GADL1: variants seen among roughly 807,000 people sequenced by gnomAD.
The protein encoded by GADL1 is acidic amino acid decarboxylase GADL1.
In GADL1, 71 loss-of-function variants were observed where a neutral mutation model predicts 69.5. The observed-to-expected ratio is 1.02, with a 90% CI of 0.84 to 1.25. The LOEUF is 1.25. Ranked by LOEUF, GADL1 falls within the 50% of genes most tolerant of loss-of-function variation. The pLI, the probability that GADL1 is intolerant of heterozygous loss-of-function variation, is 0.00. For synonymous variants in GADL1, 254 were observed against 214.4 expected (o/e 1.18, Z -1.62); for missense variants, 737 against 631.8 (o/e 1.17, Z -1.79).
chr3:30,846,243 G>T (rs571780016), intron 6 of GADL1, among the ~76,000 whole-genome samples: 19 of 152,232 alleles, frequency 1.2e-4, no homozygotes, highest in African/African-American at 4.3e-4. Context: ...AAACAGTGGC[G>T]TTTCTATCAT....
intron 14 of GADL1, among the ~76,000 whole-genome samples, chr3:30,777,824 A>C (rs1039945677): frequency 2.0e-5 from 3 of 152,192 alleles, no homozygotes; most frequent in African/African-American, 7.2e-5. Flanking sequence ...CATTATTTCC[A>C]AGTAAGGTGG....
intron 13 of GADL1, among the ~76,000 whole-genome samples, chr3:30,782,645 A>G (rs1696691365): frequency 6.6e-6 from 1 of 152,184 alleles, no homozygotes; most frequent in African/African-American, 2.4e-5. Context: ...GCTATTGATA[A>G]CAAAGTTCTG....
intron 1 of GADL1, among the ~76,000 whole-genome samples, chr3:30,880,339 T>C (rs1382917977): frequency 6.6e-6 from 1 of 151,932 alleles, no homozygotes; most frequent in African/African-American, 2.4e-5. Context: ...AATCTCATCT[T>C]GAACTGTAGT....
chr3:30,863,410 T>A (rs537958024), intron 1 of GADL1, among the ~76,000 whole-genome samples: 7 of 152,110 alleles, frequency 4.6e-5, no homozygotes, highest in African/African-American at 1.7e-4. Flanking sequence ...TGCCGATCAT[T>A]GACTAAATGT....
chr3:30,789,307 CTTT>C (rs915268477), intron 12 of GADL1, among the ~76,000 whole-genome samples: 55 of 152,270 alleles, frequency 3.6e-4, no homozygotes, highest in African/African-American at 1.3e-3. Flanking sequence ...TGAAAAGAAT[CTTT>C]TTTTCTGAGC....
intron 12 of GADL1, chr3:30,797,752 G>T (rs1436210523): frequency 3.3e-5 from 5 of 151,228 alleles, no homozygotes; most frequent in Admixed American, 1.3e-4. Flanking sequence ...TCAGCTAGTT[G>T]TTACCATGTG....
At chr3:30,758,985 G>A (rs1245113045) in intron 14 of GADL1, among the ~76,000 whole-genome samples, 1 of 151,812 alleles carries the variant, frequency 6.6e-6, no homozygotes, top group Non-Finnish European at 1.5e-5. Context: ...TTAGTCTGAT[G>A]TAATTTAAAG....
intron 14 of GADL1, among the ~76,000 whole-genome samples, chr3:30,774,253 C>T (rs1263853864): frequency 6.6e-6 from 1 of 152,068 alleles, no homozygotes; most frequent in African/African-American, 2.4e-5. Flanking sequence ...TCTTGAGTGA[C>T]ATTGAACTGT....
At chr3:30,754,178 A>T (rs554976919) in intron 14 of GADL1, among the ~76,000 whole-genome samples, 2 of 152,210 alleles carry the variant, frequency 1.3e-5, no homozygotes, top group African/African-American at 4.8e-5. Context: ...TGGCTTTTGA[A>T]GTATGGCTTC....
intron 1 of GADL1, among the ~76,000 whole-genome samples, chr3:30,892,646 G>GT (rs1300523443): frequency 6.6e-5 from 10 of 151,910 alleles, no homozygotes; most frequent in Non-Finnish European, 1.2e-4. Flanking sequence ...TGGTTTTTTT[G>GT]TTACTGTTTT....
At chr3:30,775,534 A>G (rs1696517509) in intron 14 of GADL1, among the ~76,000 whole-genome samples, 1 of 152,000 alleles carries the variant, frequency 6.6e-6, no homozygotes, top group African/African-American at 2.4e-5. Context: ...TAGGAAATTA[A>G]GAAACTCAGA....
At chr3:30,825,680 C>CA (rs5847664) in intron 11 of GADL1, among the ~76,000 whole-genome samples, 149,899 of 151,946 alleles carry the variant, frequency 0.99, 73,960 homozygotes, top group East Asian at 1. Context: ...AACAGAAAAC[C>CA]AACGCTGCAG....
At position 30,805,078 on chromosome 3, in the gene GADL1, G is replaced by C. The variant is rs187096379; in HGVS notation, c.1051-3990C>G. 1.3e-4 allele frequency among the ~76,000 whole-genome samples: 20 copies of C among 152,272 alleles called. No homozygotes were observed. In the East Asian group the frequency reaches 3.9e-3, roughly 29 times the overall value. On this transcript the variant is annotated intron_variant, in intron 11 of 14. Transcript: ENST00000282538. ...TTGCAATCACAACACCTAACCTAGC[G>C]CACATAATAATGACCAGAGCTAACA...
intron 11 of GADL1, among the ~76,000 whole-genome samples, chr3:30,813,327 C>A (rs1697396296): frequency 6.6e-6 from 1 of 152,162 alleles, no homozygotes; most frequent in African/African-American, 2.4e-5. Flanking sequence ...TTTATTAACA[C>A]AGGACATATT....
chr3:30,864,140 C>G (rs1698361411), intron 1 of GADL1, among the ~76,000 whole-genome samples: 1 of 152,000 alleles, frequency 6.6e-6, no homozygotes, highest in Non-Finnish European at 1.5e-5. Flanking sequence ...CTTTCCTCTC[C>G]TCCCAAATTT....
intron 14 of GADL1, among the ~76,000 whole-genome samples, chr3:30,745,799 T>C (rs1695693365): frequency 6.6e-6 from 1 of 152,222 alleles, no homozygotes; most frequent in African/African-American, 2.4e-5. Context: ...AAAATATATT[T>C]GTTTTTCCAA....
At position 30,806,848 on chromosome 3, in the gene GADL1, T is replaced by C. The variant is rs532438006; in HGVS notation, c.1051-5760A>G. ...AGGCTAGAAATCTAGAGTAGCCAAG[T>C]CACCACGCATCTTAAATGCCACAAT... On this transcript the variant is annotated intron_variant, in intron 11 of 14. Coordinates refer to ENST00000282538, the MANE Select transcript of GADL1 (RefSeq NM_207359.3). Among the ~76,000 whole-genome samples, 19 of 152,318 alleles carry C rather than the reference T, an allele frequency of 1.2e-4. 1 individual carries two copies. The South Asian group carries it at 2.9e-3, about 23-fold the overall frequency.
chr3:30,763,887 A>G (rs1399909891), intron 14 of GADL1, among the ~76,000 whole-genome samples: 1 of 152,082 alleles, frequency 6.6e-6, no homozygotes, highest in Non-Finnish European at 1.5e-5. Flanking sequence ...AAAATGATAT[A>G]ATTTGGTTAT....
In GADL1 at chr3:30,735,214, C is replaced by T. The variant is rs555535842; in HGVS notation, c.1393-6799G>A. On this transcript the variant is annotated intron_variant, in intron 14 of 14. Transcript: ENST00000282538. ...GAAGGGGTCACACTATACAATTTAA[C>T]CTTCTACGGCAATTGTTTGTTAATG... Among the ~76,000 whole-genome samples, 846 of 128,058 alleles carry T rather than the reference C, an allele frequency of 6.6e-3. 11 individuals are homozygous for T. The highest frequency in any genetic ancestry group is 0.037 in the African/African-American group (808 of 21,570). 84.0% of individuals were successfully genotyped at this position (128,058 alleles called of 152,430 possible).
Sources: allele counts gnomAD v4.1 joint callset (sites outside exome capture counted in the v4.1 genomes callset), GRCh38; gene constraint gnomAD v4.1.1; transcripts MANE v1.5; gene names NCBI Gene and HGNC (gene_info 2026-07-23, HGNC 2026-07-21).